Variants in FGFR4 observed in about 807,000 individuals in gnomAD.
FGFR4 encodes the protein fibroblast growth factor receptor 4, also known as hydroxyaryl-protein kinase.
Under a neutral mutation model 89.9 loss-of-function variants are expected in FGFR4, and 63 were observed. That is an observed-to-expected ratio of 0.70 (90% CI 0.57 to 0.86). FGFR4 has a LOEUF of 0.86. Among genes scored for constraint, FGFR4 ranks in the 40% least tolerant of loss-of-function variants. The pLI is 0.00. For synonymous variants in FGFR4, 486 were observed against 479.4 expected (o/e 1.01, Z -0.18); for missense variants, 928 against 1,106.7 (o/e 0.84, Z 2.29).
At chr5:177,090,309 A>G (rs1434233582) in intron 2 of FGFR4, 81 bp from the exon 3 acceptor site, 4 of 1,590,074 alleles carry the variant, frequency 2.5e-6, no homozygotes, top group Non-Finnish European at 3.4e-6. Context: ...TGTGCCCTGC[A>G]TGTGCGGTGT....
At position 177,095,544 on chromosome 5, in the gene FGFR4, G is replaced by C. The variant is rs199694646; in HGVS notation, c.1642G>C (p.Val548Leu). 1 of 1,610,968 alleles carries C rather than the reference G, an allele frequency of 6.2e-7. No homozygotes were observed. Among genetic ancestry groups the C allele is most frequent in the Non-Finnish European group, 8.5e-7 (1 of 1,178,626 alleles). ...CACTCCCTCTGCAGGGCCCCTGTAC[G>C]TGATCGTGGAGTGCGCCGCCAAGGG... Reference protein sequence around the residue: ...GVCTQEGPLYVIVECAAKGNL... With the variant: ...GVCTQEGPLYLIVECAAKGNL... The change falls in exon 13 of 18, where the codon GTG (valine) becomes CTG (leucine). Residue 548 changes from valine (V) to leucine (L), a missense_variant. By Grantham distance (32) the Val-to-Leu change is conservative (BLOSUM62 1). Coordinates refer to ENST00000292408, the MANE Select transcript of FGFR4 (RefSeq NM_213647.3). The surrounding 1 kb of genome is among the most constrained non-coding windows in gnomAD (Gnocchi z 5.7).
At chr5:177,088,020 T>G (rs899519367) in intron 1 of FGFR4, among the ~76,000 whole-genome samples, 9 of 151,806 alleles carry the variant, frequency 5.9e-5, no homozygotes, top group Non-Finnish European at 1.0e-4. Context: ...GACTTGCAGG[T>G]TTTTTTGTTT....
chr5:177,090,338 G>C (rs374844545), intron 2 of FGFR4, 52 bp from the exon 3 acceptor site: 32 of 1,598,988 alleles, frequency 2.0e-5, no homozygotes, highest in Non-Finnish European at 2.5e-5. Context: ...TACACAGGAG[G>C]CTGCCTCAGA....
intron 1 of FGFR4, chr5:177,088,477 G>A (rs1784231794): frequency 5.2e-6 from 1 of 194,098 alleles, no homozygotes; most frequent in East Asian, 8.0e-5. Context: ...GAAGCCAGAT[G>A]GACTGGAAGT....
rs751153224 is a variant in FGFR4 at position 177,093,387 on chromosome 5, C to G, written c.1252-19C>G. ...ACAGCCTGACTCCAGCAGGCAGAAC[C>G]AAGTCTCCCACTTTGCAGTTCTCCC... On this transcript the variant is annotated intron_variant, in intron 9 of 17. Transcript: ENST00000292408. This position sits in a 1 kb window ranked among gnomAD's most constrained non-coding sequence, Gnocchi z 5.8. 6.2e-7 allele frequency: 1 copy of G among 1,614,090 alleles called. No individual in the cohort carries two copies.
At chr5:177,088,626 G>A (rs535082186) in intron 1 of FGFR4, 5 of 174,626 alleles carry the variant, frequency 2.9e-5, no homozygotes, top group African/African-American at 1.2e-4. Flanking sequence ...TCAGTTCTGA[G>A]TGTTCTATTT....
At chr5:177,092,849 G>A in intron 8 of FGFR4, 65 bp downstream of exon 8, 1 of 1,611,636 alleles carries the variant, frequency 6.2e-7, no homozygotes, top group African/African-American at 1.3e-5. Context: ...GGGGGCTGTG[G>A]CCTGTTGGGT....
At position 177,089,606 on chromosome 5, in the gene FGFR4, C is replaced by A. The variant is rs545721160; in HGVS notation, c.4C>A (p.Arg2=). The A allele has an allele frequency of 3.5e-5, 57 of 1,612,748 alleles. No homozygotes were observed. The highest frequency in any genetic ancestry group is 4.7e-5 in the Non-Finnish European group (56 of 1,179,492). M[R]LLLALLGVLL... ...CCCTGAGAGCTGTGAGAAGGAGATG[C>A]GGCTGCTGCTGGCCCTGTTGGGGGT... Residue 2 remains arginine (R), a synonymous_variant, in exon 2 of 18, where the codon CGG becomes AGG. Transcript: ENST00000292408.
Position 177,092,953 on chromosome 5 carries a change from C to A in FGFR4, c.1057+169C>A, listed in dbSNP as rs1464736989. On this transcript the variant is annotated intron_variant, in intron 8 of 17. Coordinates refer to ENST00000292408, the MANE Select transcript of FGFR4 (RefSeq NM_213647.3). ...ATGACAGCCCCTCTGTGCCTCTCCA[C>A]ACGTGGCCGTCCATGTGACCGTCTG... is the stretch of plus-strand genomic sequence containing the variant. The A allele has an allele frequency of 3.9e-6, 5 of 1,295,310 alleles. No individual in the cohort carries two copies. The East Asian group carries it at 1.0e-4, about 26-fold the overall frequency. 80.2% of individuals were successfully genotyped at this position (1,295,310 alleles called of 1,614,324 possible).
chr5:177,091,222 G>C, intron 5 of FGFR4, 118 bp downstream of exon 5: 1 of 1,308,172 alleles, frequency 7.6e-7, no homozygotes. Flanking sequence ...GCGGGGCCCC[G>C]GAAGGAGCCC....
Position 177,095,449 on chromosome 5 carries a change from G to A in FGFR4, c.1630+9G>A, listed in dbSNP as rs771541909. The A allele has an allele frequency of 7.0e-5, 113 of 1,614,018 alleles. No homozygotes were observed. The highest frequency in any genetic ancestry group is 7.9e-5 in the Non-Finnish European group (93 of 1,179,976). ...TGTCTGCACCCAGGAAGGTGGGGCC[G>A]AGGCGGGGCTGGCTGCACGGGCCGT... On this transcript the variant is annotated intron_variant, in intron 12 of 17. Transcript: ENST00000292408. The surrounding 1 kb of genome is among the most constrained non-coding windows in gnomAD (Gnocchi z 5.7).
At position 177,093,655 on chromosome 5, in the gene FGFR4, C is replaced by A; in HGVS notation, c.1399C>A (p.Leu467Met). ...AGGCTGGACTTTCTCCATCTCCAGG[C>A]TGGTGCTTGGGAAGCCCCTAGGCGA... ...DPLWEFPRDR[L>M]VLGKPLGEGC... is the part of the protein sequence containing the mutation. Residue 467 changes from leucine (L) to methionine (M), a missense_variant and splice_region_variant, in exon 11 of 18, where the codon CTG (leucine) becomes ATG (methionine). Leu to Met is a conservative substitution (Grantham distance 15). Coordinates refer to ENST00000292408, the MANE Select transcript of FGFR4 (RefSeq NM_213647.3). The surrounding 1 kb of genome is among the most constrained non-coding windows in gnomAD (Gnocchi z 5.8). The A allele has an allele frequency of 6.2e-7, 1 of 1,614,178 alleles. No individual in the cohort carries two copies. Among genetic ancestry groups the A allele is most frequent in the Non-Finnish European group, 8.5e-7 (1 of 1,180,020 alleles).
At position 177,087,918 on chromosome 5, in the gene FGFR4, G is replaced by A. The variant is rs915443033; in HGVS notation, c.-54+841G>A. On this transcript the variant is annotated intron_variant, in intron 1 of 17. Transcript: ENST00000292408. This position sits in a 1 kb window ranked among gnomAD's most constrained non-coding sequence, Gnocchi z 6.1. ...GACGGTGTGACCAAAGAGATAGGCAGCGGCAGAGAGGGAGCCCTAGGATGT... is the reference window on the plus strand; with the variant it reads ...GACGGTGTGACCAAAGAGATAGGCAACGGCAGAGAGGGAGCCCTAGGATGT... Among the ~76,000 whole-genome samples the A allele has an allele frequency of 3.9e-5, 6 of 152,222 alleles. No individual in the cohort carries two copies. Among genetic ancestry groups the A allele is most frequent in the African/African-American group, 1.4e-4 (6 of 41,452 alleles).
rs1315861066 is a variant in FGFR4, at chr5:177,090,825, G to A, written c.436G>A (p.Ala146Thr). Residue 146 changes from alanine (A) to threonine (T), a missense_variant and splice_region_variant, in exon 4 of 18, where the codon GCA (alanine) becomes ACA (threonine). Physicochemically the swap from Ala to Thr is moderately conservative, Grantham distance 58. This residue lies in a region of FGFR4 where 741 missense variants were observed against 836.9 expected (regional missense o/e 0.89). Transcript: ENST00000292408. ...PSNRHSYPQQ[A>T]PYWTHPQRME... ...GAATAGGCACAGTTACCCCCAGCAA[G>A]GTCAGTAGGTCTCCAAGGACTTGTG... is the stretch of plus-strand genomic sequence containing the variant. 1 of 1,614,000 alleles carries A rather than the reference G, an allele frequency of 6.2e-7. No homozygotes were observed. Among genetic ancestry groups the A allele is most frequent in the Admixed American group, 1.7e-5 (1 of 60,002 alleles).
rs1031290542 is a variant in FGFR4, at chr5:177,097,319, C to T, written c.2181C>T (p.His727=). 4.3e-6 allele frequency: 7 copies of T among 1,609,602 alleles called. No homozygotes were observed. Among genetic ancestry groups the T allele is most frequent in the East Asian group, 4.5e-5 (2 of 44,594 alleles). The change falls in exon 17 of 18, where the codon CAC becomes CAT. Residue 727 remains histidine, a synonymous_variant. Coordinates refer to ENST00000292408, the MANE Select transcript of FGFR4 (RefSeq NM_213647.3). Reference sequence around the variant, plus strand: ...ACGGGCTGATGCGTGAGTGCTGGCACGCAGCGCCCTCCCAGAGGCCTACCT... The same window carrying T: ...ACGGGCTGATGCGTGAGTGCTGGCATGCAGCGCCCTCCCAGAGGCCTACCT... ...ELYGLMRECW[H]AAPSQRPTFK... is the part of the protein sequence containing the mutation.
Position 177,090,776 on chromosome 5 carries a change from C to A in FGFR4, c.387C>A (p.Asp129Glu). Residue 129 changes from aspartate (D) to glutamate (E), a missense_variant, in exon 4 of 18, where the codon GAC (aspartate) becomes GAA (glutamate). Asp to Glu is a conservative substitution (Grantham distance 45). Around this residue, in one of 5 missense-constraint regions of FGFR4, gnomAD observed 741 missense variants for 836.9 expected, o/e 0.89. Coordinates refer to ENST00000292408, the MANE Select transcript of FGFR4 (RefSeq NM_213647.3). ...TGACCTCCAGCAACGATGATGAGGA[C>A]CCCAAGTCCCATAGGGACCCCTCGA... The part of the protein sequence containing the change: ...DSLTSSNDDE[D>E]PKSHRDPSNR... 2 of 1,612,782 alleles carry A rather than the reference C, an allele frequency of 1.2e-6. No individual in the cohort carries two copies. Among genetic ancestry groups the A allele is most frequent in the South Asian group, 1.1e-5 (1 of 90,976 alleles).
chr5:177,096,092 G>A lies in FGFR4; in HGVS notation c.1857G>A (p.Leu619=), dbSNP rs1784551073. The A allele has an allele frequency of 6.2e-7, 1 of 1,614,176 alleles. No homozygotes were observed. The highest frequency in any genetic ancestry group is 8.5e-7 in the Non-Finnish European group (1 of 1,180,010). ...IHRDLAARNV[L]VTEDNVMKIA... ...GGGACCTGGCTGCCCGCAATGTGCTGGTGACTGAGGACAATGTGATGAAGA... is the reference window on the plus strand; with the variant it reads ...GGGACCTGGCTGCCCGCAATGTGCTAGTGACTGAGGACAATGTGATGAAGA... The change falls in exon 14 of 18, where the codon CTG becomes CTA. Residue 619 remains leucine, a synonymous_variant. Transcript: ENST00000292408.
intron 8 of FGFR4, 29 bp downstream of exon 8, chr5:177,092,813 G>A: frequency 6.2e-7 from 1 of 1,614,136 alleles, no homozygotes; most frequent in Non-Finnish European, 8.5e-7. Context: ...AGGAGATGCT[G>A]CGAGATGCCC....
Position 177,090,484 on chromosome 5 carries a change from T to G in FGFR4, c.186T>G (p.Arg62=), listed in dbSNP as rs757425779. The change falls in exon 3 of 18, where the codon CGT becomes CGG. Residue 62 remains arginine, a synonymous_variant. Transcript: ENST00000292408. The part of the protein sequence containing the change: ...PVRLCCGRAE[R]GGHWYKEGSR... ...GTCTGTGCTGTGGGCGGGCTGAGCG[T>G]GGTGGCCACTGGTACAAGGAGGGCA... is the stretch of plus-strand genomic sequence containing the variant. 6.3e-7 allele frequency: 1 copy of G among 1,588,224 alleles called. No individual in the cohort carries two copies. Among genetic ancestry groups the G allele is most frequent in the South Asian group, 1.2e-5 (1 of 86,940 alleles).
Sources: gnomAD v4.1 joint callset for allele counts (sites outside exome capture counted in the v4.1 genomes callset) on GRCh38, gnomAD v4.1.1 for gene constraint, gnomAD v4.1.1 regional missense constraint, Gnocchi (gnomAD v3.1) non-coding constraint, MANE v1.5 for transcripts, NCBI Gene and HGNC (gene_info 2026-07-23, HGNC 2026-07-21) for gene names.